UGT2B17: variants seen among roughly 807,000 people sequenced by gnomAD.
UGT2B17 encodes the protein UDP glucuronosyltransferase family 2 member B17.
Under a neutral mutation model 48.2 loss-of-function variants are expected in UGT2B17, and 21 were observed. That is an observed-to-expected ratio of 0.44 (90% CI 0.31 to 0.63). The LOEUF (loss-of-function observed/expected upper bound fraction) is 0.63, where lower values mean the gene tolerates loss of function less well. UGT2B17 is among the 20% of genes least tolerant of loss of function. The pLI, the probability that UGT2B17 is intolerant of heterozygous loss-of-function variation, is 0.08. For synonymous variants in UGT2B17, 146 were observed against 238.4 expected, an observed-to-expected ratio of 0.61 and a Z score of 3.57; for missense variants, 402 against 696.1, an observed-to-expected ratio of 0.58 and a Z score of 4.75.
chr4:68,567,130 G>A lies in UGT2B17; in HGVS notation c.724+631C>T, dbSNP rs1731215179. Reference sequence around the variant, plus strand: ...CTATTTTCTTTGATGGAGAGATGCAGTTTAATAAAATATAGATTAAAACTT... The same window carrying A: ...CTATTTTCTTTGATGGAGAGATGCAATTTAATAAAATATAGATTAAAACTT... On this transcript the variant is annotated intron_variant, in intron 2 of 6. Transcript: ENST00000317746. Among the ~76,000 whole-genome samples the A allele has an allele frequency of 1.6e-5, 2 of 126,066 alleles. 1 individual carries two copies. Among genetic ancestry groups the A allele is most frequent in the Non-Finnish European group, 3.4e-5 (2 of 59,630 alleles). The allele number at this position is 126,066 out of a possible 152,430, so 82.7% of individuals were successfully genotyped here.
At chr4:68,556,080 T>A (rs1273900607) in intron 4 of UGT2B17, among the ~76,000 whole-genome samples, 2 of 122,720 alleles carry the variant, frequency 1.6e-5, no homozygotes, top group African/African-American at 5.5e-5. Flanking sequence ...TCATGAATGA[T>A]CTGTGTAAGT....
At chr4:68,554,057 G>T (rs1200290911) in intron 4 of UGT2B17, among the ~76,000 whole-genome samples, 1 of 124,716 alleles carries the variant, frequency 8.0e-6, no homozygotes, top group Admixed American at 8.3e-5. Flanking sequence ...CACATATGAG[G>T]GCAGATCACC....
chr4:68,545,767 A>G (rs1273781573), intron 6 of UGT2B17, among the ~76,000 whole-genome samples: 2 of 126,046 alleles, frequency 1.6e-5, no homozygotes, highest in African/African-American at 5.4e-5. Flanking sequence ...AGAGAAATAC[A>G]AACTACCATC....
rs1262647129 is a variant in UGT2B17 at position 68,543,010 on chromosome 4, G to C, written c.1314-5106C>G. Reference sequence around the variant, plus strand: ...TGCCTGCCTCTGTAGATCCACCTCTGGGGGCAGGGCATAACCAAACAAAAG... The same window carrying C: ...TGCCTGCCTCTGTAGATCCACCTCTCGGGGCAGGGCATAACCAAACAAAAG... On this transcript the variant is annotated intron_variant, in intron 6 of 6. Transcript: ENST00000317746. Among the ~76,000 whole-genome samples the C allele has an allele frequency of 1.6e-5, 2 of 126,558 alleles. 1 individual carries two copies. The highest frequency in any genetic ancestry group is 5.4e-5 in the African/African-American group (2 of 37,002). 83.0% of individuals were successfully genotyped at this position (126,558 alleles called of 152,430 possible). A position where few individuals can be genotyped will look rare whatever the true frequency, so the allele number is the denominator to read the frequency against.
At position 68,551,719 on chromosome 4, in the gene UGT2B17, A is replaced by G. The variant is rs1730916672; in HGVS notation, c.1093+105T>C. 5 of 802,326 alleles carry G rather than the reference A, an allele frequency of 6.2e-6. 2 individuals are homozygous for G. Among genetic ancestry groups the G allele is most frequent in the Non-Finnish European group, 8.5e-6 (5 of 589,896 alleles). The allele number at this position is 802,326 out of a possible 1,614,324, so 49.7% of individuals were successfully genotyped here. On this transcript the variant is annotated intron_variant, in intron 5 of 6. Transcript: ENST00000317746. ...AAGTAGTTAAATTTGATTTTTTTTT[A>G]GTTTTCCAATAATAAATGTTAAATA...
In UGT2B17 at chr4:68,539,782, TC is replaced by T. The variant is rs1423605615; in HGVS notation, c.1314-1879del. ...TCCAGTAACTATTTCATACATATAA[TC>T]TTTTTTTTTTTTTTTTTTTGAGACA... On this transcript the variant is annotated intron_variant, in intron 6 of 6. Coordinates refer to ENST00000317746, the MANE Select transcript of UGT2B17 (RefSeq NM_001077.4). Among the ~76,000 whole-genome samples the T allele has an allele frequency of 3.6e-5, 4 of 111,834 alleles. 1 individual carries two copies. Among genetic ancestry groups the T allele is most frequent in the Non-Finnish European group, 7.1e-5 (4 of 56,430 alleles). The allele number at this position is 111,834 out of a possible 152,430, so 73.4% of individuals were successfully genotyped here. A position where few individuals can be genotyped will look rare whatever the true frequency, so the allele number is the denominator to read the frequency against.
chr4:68,542,895 G>A lies in UGT2B17; in HGVS notation c.1314-4991C>T, dbSNP rs188908108. The stretch of plus-strand genomic sequence containing the variant: ...GCAAGGCAGCAGTGAGACTGGGGGA[G>A]GGGCGCCTGCCATTCCCATGGATTG... On this transcript the variant is annotated intron_variant, in intron 6 of 6. Transcript: ENST00000317746. Among the ~76,000 whole-genome samples the A allele has an allele frequency of 3.4e-3, 426 of 126,952 alleles. 90 individuals are homozygous for A. The highest frequency in any genetic ancestry group is 0.011 in the African/African-American group (420 of 37,164). 83.3% of individuals were successfully genotyped at this position (126,952 alleles called of 152,430 possible).
At position 68,548,595 on chromosome 4, in the gene UGT2B17, A is replaced by G. The variant is rs1730862891; in HGVS notation, c.1313+2082T>C. On this transcript the variant is annotated intron_variant, in intron 6 of 6. Coordinates refer to ENST00000317746, the MANE Select transcript of UGT2B17 (RefSeq NM_001077.4). ...TATAATAAAAAAAATTACTTTGGGCAGCATGGCCATTTTTACAATTCTGAT... is the reference window on the plus strand; with the variant it reads ...TATAATAAAAAAAATTACTTTGGGCGGCATGGCCATTTTTACAATTCTGAT... Among the ~76,000 whole-genome samples, 2 of 125,466 alleles carry G rather than the reference A, an allele frequency of 1.6e-5. 1 individual carries two copies. Among genetic ancestry groups the G allele is most frequent in the African/African-American group, 5.4e-5 (2 of 36,878 alleles). The allele number at this position is 125,466 out of a possible 152,430, so 82.3% of individuals were successfully genotyped here.
At chr4:68,563,319 A>G (rs7685191) in intron 3 of UGT2B17, among the ~76,000 whole-genome samples, 11,970 of 126,988 alleles carry the variant, frequency 0.094, 3,415 homozygotes, top group East Asian at 0.31. Context: ...GGTTAACAAC[A>G]ACAGCCAGTG....
At chr4:68,566,282 G>A (rs1380371322) in intron 2 of UGT2B17, among the ~76,000 whole-genome samples, 1 of 122,836 alleles carries the variant, frequency 8.1e-6, no homozygotes, top group Non-Finnish European at 1.7e-5. Flanking sequence ...AAGGCAAAGT[G>A]TTCAGAGAGC....
chr4:68,542,046 A>G lies in UGT2B17; in HGVS notation c.1314-4142T>C, dbSNP rs1211899755. On this transcript the variant is annotated intron_variant, in intron 6 of 6. Coordinates refer to ENST00000317746, the MANE Select transcript of UGT2B17 (RefSeq NM_001077.4). Reference sequence around the variant, plus strand: ...GTACTATGCTGGTTTGGTTACTGTAAGGTGTAAGGAAGGGATCCAGTTGCA... The same window carrying G: ...GTACTATGCTGGTTTGGTTACTGTAGGGTGTAAGGAAGGGATCCAGTTGCA... Among the ~76,000 whole-genome samples, 2 of 124,302 alleles carry G rather than the reference A, an allele frequency of 1.6e-5. 1 individual carries two copies. The highest frequency in any genetic ancestry group is 1.7e-4 in the Admixed American group (2 of 12,056). The allele number at this position is 124,302 out of a possible 152,430, so 81.5% of individuals were successfully genotyped here. A position where few individuals can be genotyped will look rare whatever the true frequency, so the allele number is the denominator to read the frequency against.
rs1482810280 is a variant in UGT2B17, at chr4:68,552,541, G to A, written c.1006-630C>T. ...ACACATGTCACCAGGACCCCCTGAG[G>A]CTGTGTCATGGGTGCACATTTTCAA... On this transcript the variant is annotated intron_variant, in intron 4 of 6. Transcript: ENST00000317746. Among the ~76,000 whole-genome samples, 6 of 126,018 alleles carry A rather than the reference G, an allele frequency of 4.8e-5. 2 individuals carry two copies. Among genetic ancestry groups the A allele is most frequent in the Non-Finnish European group, 8.4e-5 (5 of 59,384 alleles). 82.7% of individuals were successfully genotyped at this position (126,018 alleles called of 152,430 possible). A position where few individuals can be genotyped will look rare whatever the true frequency, so the allele number is the denominator to read the frequency against.
In UGT2B17 at chr4:68,547,125, T is replaced by G. The variant is rs1211997614; in HGVS notation, c.1313+3552A>C. Among the ~76,000 whole-genome samples the G allele has an allele frequency of 3.5e-5, 4 of 115,792 alleles. 1 individual carries two copies. Among genetic ancestry groups the G allele is most frequent in the African/African-American group, 1.2e-4 (4 of 34,756 alleles). 76.0% of individuals were successfully genotyped at this position (115,792 alleles called of 152,430 possible). On this transcript the variant is annotated intron_variant, in intron 6 of 6. Transcript: ENST00000317746. The stretch of plus-strand genomic sequence containing the variant: ...AGAGCCCGCATCACCAAGTCAATCC[T>G]AAGCCAAAAGAACAAAGCTGGAGGC...
rs1341012731 is a variant in UGT2B17, at chr4:68,564,292, A to ATTTTTTT, written c.873+1279_873+1280insAAAAAAA. Among the ~76,000 whole-genome samples the ATTTTTTT allele has an allele frequency of 2.4e-3, 203 of 84,950 alleles. 11 individuals are homozygous for ATTTTTTT. Among genetic ancestry groups the ATTTTTTT allele is most frequent in the African/African-American group, 0.011 (190 of 17,212 alleles). The allele number at this position is 84,950 out of a possible 152,430, so 55.7% of individuals were successfully genotyped here. Reference sequence around the variant, plus strand: ...AAATTTCATATATATATATATATATATATTTTTTTTTTTTGAGACAGAGTC... The same window carrying ATTTTTTT: ...AAATTTCATATATATATATATATATATTTTTTTTATTTTTTTTTTTTGAGACAGAGTC... On this transcript the variant is annotated intron_variant, in intron 3 of 6. Transcript: ENST00000317746.
chr4:68,563,488 T>C (rs942774051), intron 3 of UGT2B17, among the ~76,000 whole-genome samples: 2 of 126,610 alleles, frequency 1.6e-5, no homozygotes, highest in Non-Finnish European at 3.4e-5. Flanking sequence ...TGGGTGCCTG[T>C]AATCCCAGCT....
chr4:68,552,189 C>A (rs1730928958), intron 4 of UGT2B17, among the ~76,000 whole-genome samples: 1 of 125,486 alleles, frequency 8.0e-6, no homozygotes. Flanking sequence ...ATCTTGGTGC[C>A]CCAAAATCTA....
rs1423212869 is a variant in UGT2B17 at position 68,576,056 on chromosome 4, C to CA, written c.-171dup. 6.4e-5 allele frequency among the ~76,000 whole-genome samples: 8 copies of CA among 124,760 alleles called. No homozygotes were observed. In the Admixed American group the frequency reaches 6.5e-4, roughly 10 times the overall value. The allele number at this position is 124,760 out of a possible 152,430, so 81.8% of individuals were successfully genotyped here. ...TACGTGTTGATCTGGTGAGGTGTTC[C>CA]ACTGGGGCAATTTCCTACCCAGGAG... On this transcript the variant is annotated 5_prime_UTR_variant, in exon 1 of 7. The change abolishes the stop of an existing upstream ORF in the 5' untranslated region. Transcript: ENST00000317746.
In UGT2B17 at chr4:68,554,356, T is replaced by C. The variant is rs1730965712; in HGVS notation, c.1006-2445A>G. ...TGGCAGAGTTTATGTAAAATGAAGG[T>C]AATACGGTCTTTGTGCACATATACA... On this transcript the variant is annotated intron_variant, in intron 4 of 6. Transcript: ENST00000317746. Among the ~76,000 whole-genome samples, 2 of 126,570 alleles carry C rather than the reference T, an allele frequency of 1.6e-5. 1 individual carries two copies. Among genetic ancestry groups the C allele is most frequent in the Admixed American group, 1.6e-4 (2 of 12,384 alleles). 83.0% of individuals were successfully genotyped at this position (126,570 alleles called of 152,430 possible). A position where few individuals can be genotyped will look rare whatever the true frequency, so the allele number is the denominator to read the frequency against.
chr4:68,555,406 A>G (rs761076276), intron 4 of UGT2B17, among the ~76,000 whole-genome samples: 9 of 126,704 alleles, frequency 7.1e-5, no homozygotes, highest in Non-Finnish European at 1.2e-4. Flanking sequence ...GTCCACAGGC[A>G]TTAAGCTTTG....
Sources: gnomAD v4.1 joint callset for allele counts (sites outside exome capture counted in the v4.1 genomes callset) on GRCh38, gnomAD v4.1.1 for gene constraint, MANE v1.5 for transcripts, NCBI Gene and HGNC (gene_info 2026-07-23, HGNC 2026-07-21) for gene names.